Variants in BTBD8 observed in about 807,000 individuals in gnomAD.
The protein encoded by BTBD8 is BTB/POZ domain-containing protein 8.
A neutral mutation model predicts 162.9 loss-of-function variants in BTBD8; 110 were observed. That is an observed-to-expected ratio of 0.68 (90% confidence interval 0.58 to 0.79). The LOEUF is 0.79. Ranked by LOEUF, BTBD8 falls within the 30% of genes least tolerant of loss-of-function variation. The pLI, the probability that BTBD8 is intolerant of heterozygous loss-of-function variation, is 0.00. For synonymous variants in BTBD8, 667 were observed against 716.1 expected (o/e 0.93, Z 1.10); for missense variants, 1,905 against 2,085.4 (o/e 0.91, Z 1.68).
chr1:92,137,587 C>T (rs544972858), intron 5 of BTBD8, among the ~76,000 whole-genome samples: 25 of 152,288 alleles, frequency 1.6e-4, no homozygotes, highest in Non-Finnish European at 1.6e-4. Flanking sequence ...TACTTCCTTC[C>T]TGTTCAGAAT....
chr1:92,082,304 A>G (rs1223164043), intron 1 of BTBD8, among the ~76,000 whole-genome samples: 1 of 152,200 alleles, frequency 6.6e-6, no homozygotes, highest in African/African-American at 2.4e-5. Flanking sequence ...TAGCAATGTC[A>G]TTTATTTATT....
intron 4 of BTBD8, among the ~76,000 whole-genome samples, chr1:92,123,938 A>G (rs1451200412): frequency 6.6e-6 from 1 of 151,550 alleles, no homozygotes; most frequent in African/African-American, 2.4e-5. Context: ...CTGGCTTTCA[A>G]GTCTAATAAG....
chr1:92,080,971 T>G (rs1168112923), intron 1 of BTBD8, among the ~76,000 whole-genome samples: 1 of 152,238 alleles, frequency 6.6e-6, no homozygotes, highest in Non-Finnish European at 1.5e-5. Flanking sequence ...CTTAGTCGTG[T>G]GCAGCACTAG....
In BTBD8 at chr1:92,182,309, A is replaced by C; in HGVS notation, c.4626A>C (p.Leu1542=). The change falls in exon 17 of 18, where the codon CTA becomes CTC. Residue 1542 remains leucine, a synonymous_variant. Transcript: ENST00000636805. The stretch of plus-strand genomic sequence containing the variant: ...AAAAAAAGAACACAATAGACGTCCT[A>C]TCCAGTAGAAGCAGACAGCTTCTTC... ...ATEKKNTIDV[L]SSRSRQLLRE... The C allele has an allele frequency of 6.4e-7, 1 of 1,551,288 alleles. No individual in the cohort carries two copies. The highest frequency in any genetic ancestry group is 8.7e-7 in the Non-Finnish European group (1 of 1,146,862).
At chr1:92,159,923 G>A (rs1650244148) in intron 9 of BTBD8, among the ~76,000 whole-genome samples, 1 of 152,050 alleles carries the variant, frequency 6.6e-6, no homozygotes, top group African/African-American at 2.4e-5. Context: ...GGATGTGGAT[G>A]TCTGTTTCTT....
At chr1:92,135,816 A>G (rs1649620305) in intron 5 of BTBD8, among the ~76,000 whole-genome samples, 1 of 152,150 alleles carries the variant, frequency 6.6e-6, no homozygotes, top group Non-Finnish European at 1.5e-5. Flanking sequence ...TTTAGTCATT[A>G]TCTTTTGCTT....
At chr1:92,104,495 C>G (rs1190656216) in intron 3 of BTBD8, among the ~76,000 whole-genome samples, 1 of 152,162 alleles carries the variant, frequency 6.6e-6, no homozygotes, top group East Asian at 1.9e-4. Context: ...TCACACAGAG[C>G]AATTGACAGA....
At position 92,180,399 on chromosome 1, in the gene BTBD8, C is replaced by T. The variant is rs760165097; in HGVS notation, c.2716C>T (p.His906Tyr). 1.9e-6 allele frequency: 3 copies of T among 1,551,630 alleles called. No homozygotes were observed. In the South Asian group the frequency reaches 3.6e-5, roughly 18 times the overall value. The change falls in exon 17 of 18, where the codon CAC (histidine) becomes TAC (tyrosine). Residue 906 changes from histidine to tyrosine, a missense_variant. Transcript: ENST00000636805. ...APKRKMVKQV[H>Y]TALPKVNAKI... Reference sequence around the variant, plus strand: ...TAAGAGAAAAATGGTCAAGCAAGTACACACAGCTTTGCCTAAGGTTAATGC... The same window carrying T: ...TAAGAGAAAAATGGTCAAGCAAGTATACACAGCTTTGCCTAAGGTTAATGC...
chr1:92,093,187 A>ATTTTTTTTT (rs5776134), intron 2 of BTBD8, among the ~76,000 whole-genome samples: 1 of 119,846 alleles, frequency 8.3e-6, no homozygotes, highest in African/African-American at 3.2e-5. Flanking sequence ...TGAAATACCA[A>ATTTTTTTTT]TTTTTTTTTT....
intron 4 of BTBD8, among the ~76,000 whole-genome samples, chr1:92,110,272 C>A (rs1275277283): frequency 6.6e-6 from 1 of 152,216 alleles, no homozygotes; most frequent in African/African-American, 2.4e-5. Context: ...TGGGGACAAT[C>A]TGCATGCGTT....
intron 5 of BTBD8, among the ~76,000 whole-genome samples, chr1:92,138,373 A>G (rs573969901): frequency 6.6e-5 from 10 of 152,242 alleles, no homozygotes; most frequent in Non-Finnish European, 1.2e-4. Context: ...AGGTGTCACT[A>G]TCTCTCATAA....
At chr1:92,096,692 C>T (rs1648461452) in intron 2 of BTBD8, among the ~76,000 whole-genome samples, 2 of 151,976 alleles carry the variant, frequency 1.3e-5, no homozygotes, top group African/African-American at 4.8e-5. Context: ...TGCATGCCAC[C>T]ACACCTGGCT....
chr1:92,097,025 T>TG (rs1648471406), intron 2 of BTBD8, among the ~76,000 whole-genome samples: 1 of 152,244 alleles, frequency 6.6e-6, no homozygotes, highest in African/African-American at 2.4e-5. Context: ...TTCACATACT[T>TG]GCATCTGTAC....
chr1:92,098,176 T>C (rs1648502005), intron 2 of BTBD8, among the ~76,000 whole-genome samples: 1 of 152,122 alleles, frequency 6.6e-6, no homozygotes, highest in Non-Finnish European at 1.5e-5. Context: ...ATTTAGAGAA[T>C]GCTAAGAACA....
intron 4 of BTBD8, chr1:92,126,381 C>T: frequency 2.9e-6 from 2 of 688,116 alleles, no homozygotes; most frequent in Non-Finnish European, 5.2e-6. Context: ...GCTGGACCAG[C>T]CTAGATTTGA....
rs147048954 is a variant in BTBD8, at chr1:92,173,159, A to T, written c.1635+1699A>T. Among the ~76,000 whole-genome samples, 434 of 151,848 alleles carry T rather than the reference A, an allele frequency of 2.9e-3. 3 individuals carry two copies. The highest frequency in any genetic ancestry group is 9.9e-3 in the African/African-American group (412 of 41,554). ...AGGCTGGTCTCGAACTCCCGACCTC[A>T]GGTGATCTGCCCGCCTCGGCCTCCC... On this transcript the variant is annotated intron_variant, in intron 13 of 17. Coordinates refer to ENST00000636805, the MANE Select transcript of BTBD8 (RefSeq NM_001376131.1).
Position 92,131,446 on chromosome 1 carries a change from G to A in BTBD8, c.752+1670G>A, listed in dbSNP as rs143540906. ...TTTTAAAAAATACATTATGTAGGGC[G>A]GGCACGGTGGCTCCCACCTGTAATC... On this transcript the variant is annotated intron_variant, in intron 5 of 17. Transcript: ENST00000636805. Among the ~76,000 whole-genome samples, 399 of 152,076 alleles carry A rather than the reference G, an allele frequency of 2.6e-3. 2 individuals carry two copies. Among genetic ancestry groups the A allele is most frequent in the African/African-American group, 8.6e-3 (355 of 41,486 alleles).
At chr1:92,157,912 G>A (rs1325709275) in intron 9 of BTBD8, among the ~76,000 whole-genome samples, 1 of 152,048 alleles carries the variant, frequency 6.6e-6, no homozygotes, top group Non-Finnish European at 1.5e-5. Flanking sequence ...ATATATTTAG[G>A]TAATGTGATG....
chr1:92,133,758 C>T (rs894513190), intron 5 of BTBD8, among the ~76,000 whole-genome samples: 3 of 152,128 alleles, frequency 2.0e-5, no homozygotes, highest in African/African-American at 7.2e-5. Flanking sequence ...ATCACAAGGT[C>T]AGGAGATCGA....
Sources: allele counts gnomAD v4.1 joint callset (sites outside exome capture counted in the v4.1 genomes callset), GRCh38; gene constraint gnomAD v4.1.1; transcripts MANE v1.5; gene names NCBI Gene and HGNC (gene_info 2026-07-23, HGNC 2026-07-21).